Variants in NOS1 observed in about 807,000 individuals in gnomAD.
NOS1 encodes NOS type I.
A neutral mutation model predicts 164.5 loss-of-function variants in NOS1; 51 were observed. The observed-to-expected ratio is 0.31, with a 90% CI of 0.25 to 0.39. NOS1 has a LOEUF of 0.39. Among genes scored for constraint, NOS1 ranks in the 10% least tolerant of loss-of-function variants. The probability of loss-of-function intolerance (pLI) is 1.00; values close to 1 mark genes in which losing one functional copy is unlikely to be tolerated. For synonymous variants in NOS1, 719 were observed against 745.8 expected (o/e 0.96, Z 0.59); for missense variants, 1,362 against 1,885.6 (o/e 0.72, Z 5.14).
chr12:117,241,127 A>G (rs1436413495), intron 20 of NOS1, among the ~76,000 whole-genome samples: 1 of 151,788 alleles, frequency 6.6e-6, no homozygotes, highest in East Asian at 2.0e-4. Flanking sequence ...TTTAGTACAG[A>G]CGGGGTTTCA....
At chr12:117,222,370 C>T (rs1302323203) in intron 26 of NOS1, among the ~76,000 whole-genome samples, 1 of 152,168 alleles carries the variant, frequency 6.6e-6, no homozygotes, top group Non-Finnish European at 1.5e-5. Flanking sequence ...ATTCTCCTGC[C>T]TCAGCCTGCC....
intron 8 of NOS1, among the ~76,000 whole-genome samples, chr12:117,278,712 A>AT (rs1873376828): frequency 6.6e-6 from 1 of 151,782 alleles, no homozygotes; most frequent in Admixed American, 6.6e-5. Flanking sequence ...AATAATTTTG[A>AT]TTTTATCTTT....
chr12:117,347,489 T>C (rs1477560225), intron 1 of NOS1, among the ~76,000 whole-genome samples: 3 of 152,152 alleles, frequency 2.0e-5, no homozygotes, highest in African/African-American at 7.2e-5. Context: ...CTGGTTCCCC[T>C]GCAAAACCCT....
intron 2 of NOS1, among the ~76,000 whole-genome samples, chr12:117,314,462 T>C (rs1373073139): frequency 1.3e-5 from 2 of 152,214 alleles, no homozygotes; most frequent in African/African-American, 4.8e-5. Flanking sequence ...TTATTTCATT[T>C]AATTTCAACA....
chr12:117,216,343 C>T (rs1021971490), intron 28 of NOS1, among the ~76,000 whole-genome samples: 2 of 151,828 alleles, frequency 1.3e-5, no homozygotes, highest in Admixed American at 6.6e-5. Flanking sequence ...CCACGACGCT[C>T]GGCTAATTTT....
chr12:117,209,459 T>G lies in NOS1; in HGVS notation c.*5850A>C, dbSNP rs1956495212. The G allele has an allele frequency of 1.0e-6, 1 of 985,346 alleles. No individual in the cohort carries two copies. Among genetic ancestry groups the G allele is most frequent in the Non-Finnish European group, 1.2e-6 (1 of 829,956 alleles). 61.0% of individuals were successfully genotyped at this position (985,346 alleles called of 1,614,324 possible). A position where few individuals can be genotyped will look rare whatever the true frequency, so the allele number is the denominator to read the frequency against. On this transcript the variant is annotated 3_prime_UTR_variant, in exon 29 of 29. Transcript: ENST00000317775. ...GGAGTCAAATCTGGGCACTTCGATGTCCTGGAGTTACTTTCTAAAAGACTA... is the reference window on the plus strand; with the variant it reads ...GGAGTCAAATCTGGGCACTTCGATGGCCTGGAGTTACTTTCTAAAAGACTA...
chr12:117,360,677 A>G (rs1020070991), intron 1 of NOS1, among the ~76,000 whole-genome samples: 1 of 152,172 alleles, frequency 6.6e-6, no homozygotes, highest in East Asian at 1.9e-4. Flanking sequence ...TCGGGCCCCC[A>G]GCCGCGGACA....
At position 117,215,078 on chromosome 12, in the gene NOS1, G is replaced by A; in HGVS notation, c.*231C>T. On this transcript the variant is annotated 3_prime_UTR_variant, in exon 29 of 29. Coordinates refer to ENST00000317775, the MANE Select transcript of NOS1 (RefSeq NM_000620.5). ...AGAGAGGGAGTGGGAACAGAGTTTTGTAAGAGCCACTGCAGATTAGAAAAG... is the reference window on the plus strand; with the variant it reads ...AGAGAGGGAGTGGGAACAGAGTTTTATAAGAGCCACTGCAGATTAGAAAAG... The A allele has an allele frequency of 5.7e-6, 7 of 1,224,742 alleles. No homozygotes were observed. Among genetic ancestry groups the A allele is most frequent in the Non-Finnish European group, 7.1e-6 (7 of 979,182 alleles). 75.9% of individuals were successfully genotyped at this position (1,224,742 alleles called of 1,614,324 possible). A position where few individuals can be genotyped will look rare whatever the true frequency, so the allele number is the denominator to read the frequency against.
Position 117,260,618 on chromosome 12 carries a change from A to T in NOS1, c.2223-9T>A, listed in dbSNP as rs776689418. On this transcript the variant is annotated splice_polypyrimidine_tract_variant and intron_variant, in intron 13 of 28. Transcript: ENST00000317775. ...CCGAGAACTTGACAGCTCTGGAGGG[A>T]AGAGGATGGAGATGAAAAATGGGCA... 10 of 1,610,018 alleles carry T rather than the reference A, an allele frequency of 6.2e-6. No homozygotes were observed. Among genetic ancestry groups the T allele is most frequent in the Non-Finnish European group, 8.5e-6 (10 of 1,176,880 alleles).
intron 7 of NOS1, among the ~76,000 whole-genome samples, chr12:117,283,118 T>A (rs1384716572): frequency 6.7e-6 from 1 of 149,988 alleles, no homozygotes; most frequent in Non-Finnish European, 1.5e-5. Flanking sequence ...TGGAGTGCAG[T>A]GGTGCAACCT....
At chr12:117,225,243 G>A (rs1868561686) in intron 24 of NOS1, 106 bp from the exon 25 acceptor site, 1 of 1,416,426 alleles carries the variant, frequency 7.1e-7, no homozygotes, top group African/African-American at 1.4e-5. Flanking sequence ...CATACAATGA[G>A]ACTTAAGGCT....
chr12:117,277,265 C>CTA (rs946727497), intron 9 of NOS1, among the ~76,000 whole-genome samples: 2 of 151,762 alleles, frequency 1.3e-5, no homozygotes, highest in African/African-American at 4.8e-5. Flanking sequence ...TCATCAGATC[C>CTA]TATAGAGTTT....
intron 3 of NOS1, chr12:117,302,095 T>C (rs1381987656): frequency 4.4e-6 from 2 of 456,704 alleles, no homozygotes; most frequent in Non-Finnish European, 8.8e-6. Context: ...ACAATCACAG[T>C]ATTTCATTGG....
rs1452989172 is a variant in NOS1 at position 117,226,784 on chromosome 12, C to G, written c.3617-14G>C. ...GTCCTTCTCCATCTAGTAGAATAAC[C>G]AAGGCAGTCAGGGCCACCCACTGCT... On this transcript the variant is annotated splice_polypyrimidine_tract_variant and intron_variant, in intron 23 of 28. Transcript: ENST00000317775. The G allele has an allele frequency of 2.5e-6, 4 of 1,610,282 alleles. No homozygotes were observed. In the South Asian group the frequency reaches 3.3e-5, roughly 13 times the overall value.
intron 4 of NOS1, 130 bp from the exon 5 acceptor site, chr12:117,288,349 G>A: frequency 2.6e-6 from 2 of 777,028 alleles, no homozygotes; most frequent in Non-Finnish European, 4.1e-6. Flanking sequence ...AGTTTCTCAA[G>A]TACCAGCTTC....
intron 1 of NOS1, among the ~76,000 whole-genome samples, chr12:117,358,805 T>C (rs180708878): frequency 1.7e-3 from 266 of 152,320 alleles, no homozygotes; most frequent in African/African-American, 6.2e-3. Flanking sequence ...ATCACACAAT[T>C]TGTGGAGACA....
chr12:117,234,879 G>A lies in NOS1; in HGVS notation c.3042-121C>T, dbSNP rs1427848547. The A allele has an allele frequency of 1.0e-5, 7 of 696,362 alleles. No homozygotes were observed. The highest frequency in any genetic ancestry group is 1.6e-5 in the Non-Finnish European group (7 of 426,152). 43.1% of individuals were successfully genotyped at this position (696,362 alleles called of 1,614,324 possible). The stretch of plus-strand genomic sequence containing the variant: ...TCCTTCCATTCTTGTTGGGGCCCGT[G>A]CTAACCAAGCCTATGCCCCCATCAT... On this transcript the variant is annotated intron_variant, in intron 20 of 28. Transcript: ENST00000317775. The surrounding 1 kb of genome is among the most constrained non-coding windows in gnomAD (Gnocchi z 4.3).
At chr12:117,324,430 T>G (rs979838764) in intron 2 of NOS1, among the ~76,000 whole-genome samples, 2 of 152,108 alleles carry the variant, frequency 1.3e-5, no homozygotes, top group South Asian at 4.1e-4. Flanking sequence ...ACACGCAGCA[T>G]TTTAAAGTGA....
chr12:117,328,799 C>T (rs1429659036), intron 2 of NOS1, among the ~76,000 whole-genome samples: 3 of 152,174 alleles, frequency 2.0e-5, no homozygotes, highest in Admixed American at 6.6e-5. Flanking sequence ...CGCTTAATGA[C>T]GGGGACACAT....
Sources: allele counts gnomAD v4.1 joint callset (sites outside exome capture counted in the v4.1 genomes callset), GRCh38; gene constraint gnomAD v4.1.1; non-coding constraint Gnocchi (gnomAD v3.1); transcripts MANE v1.5; gene names NCBI Gene and HGNC (gene_info 2026-07-23, HGNC 2026-07-21).